MORC1: variants seen among roughly 807,000 people sequenced by gnomAD.
MORC1 encodes MORC family CW-type zinc finger protein 1.
A neutral mutation model predicts 134.9 loss-of-function variants in MORC1; 59 were observed. That is an observed-to-expected ratio of 0.44 (90% CI 0.35 to 0.54). The LOEUF is 0.54. MORC1 is among the 20% of genes least tolerant of loss of function. The pLI is 0.00. For synonymous variants in MORC1, 395 were observed against 391.7 expected, an observed-to-expected ratio of 1.01 and a Z score of -0.10; for missense variants, 947 against 1,134.5, an observed-to-expected ratio of 0.83 and a Z score of 2.37.
At chr3:109,028,772 A>C (rs1949156858) in intron 16 of MORC1, among the ~76,000 whole-genome samples, 1 of 152,196 alleles carries the variant, frequency 6.6e-6, no homozygotes, top group East Asian at 1.9e-4. Flanking sequence ...TCAAGGCTTG[A>C]TACAGACAAG....
Position 109,000,592 on chromosome 3 carries a change from C to G in MORC1, c.2152G>C (p.Glu718Gln), listed in dbSNP as rs143479912. ...TCTGAATCACTCGTGTTCTCATCTT[C>G]AGTCAATACCTTACATTCCTCTACA... ...NFVEECKVLT[E>Q]DENTSDSDII... Residue 718 changes from glutamate (E) to glutamine (Q), a missense_variant, in exon 21 of 28, where the codon GAA becomes CAA. Glu to Gln is a conservative substitution (Grantham distance 29). Transcript: ENST00000232603. 1.1e-5 allele frequency: 18 copies of G among 1,611,064 alleles called. No individual in the cohort carries two copies. The highest frequency in any genetic ancestry group is 1.5e-5 in the Non-Finnish European group (18 of 1,178,798).
intron 22 of MORC1, among the ~76,000 whole-genome samples, chr3:108,985,201 G>A (rs956421964): frequency 5.9e-5 from 9 of 152,142 alleles, no homozygotes; most frequent in African/African-American, 2.2e-4. Flanking sequence ...GTCTCCAGTA[G>A]GAAAGTGAAC....
intron 21 of MORC1, among the ~76,000 whole-genome samples, chr3:108,989,490 A>G (rs1947987652): frequency 1.3e-5 from 2 of 152,232 alleles, no homozygotes; most frequent in African/African-American, 2.4e-5. Context: ...TTTGTAAAGT[A>G]TCTACTTAAG....
At chr3:109,092,905 G>A (rs1380876895) in intron 8 of MORC1, among the ~76,000 whole-genome samples, 5 of 152,158 alleles carry the variant, frequency 3.3e-5, no homozygotes, top group African/African-American at 7.2e-5. Context: ...AGCTTTTGTT[G>A]CTATTTCATT....
Position 109,028,117 on chromosome 3 carries a change from C to T in MORC1, c.1566-228G>A, listed in dbSNP as rs546521637. 2.6e-5 allele frequency among the ~76,000 whole-genome samples: 4 copies of T among 152,190 alleles called. 1 individual carries two copies. Among genetic ancestry groups the T allele is most frequent in the East Asian group, 3.9e-4 (2 of 5,180 alleles). ...AAATGTGGACAGTACCATATATTAACGAGGATGGGAAAGCATCAATTATAT... is the reference window on the plus strand; with the variant it reads ...AAATGTGGACAGTACCATATATTAATGAGGATGGGAAAGCATCAATTATAT... On this transcript the variant is annotated intron_variant, in intron 16 of 27. Transcript: ENST00000232603.
intron 8 of MORC1, among the ~76,000 whole-genome samples, chr3:109,081,735 G>C (rs1210928626): frequency 6.6e-6 from 1 of 152,168 alleles, no homozygotes; most frequent in Non-Finnish European, 1.5e-5. Flanking sequence ...TTACAGGCGT[G>C]AGCCACTGCG....
chr3:109,069,810 T>C lies in MORC1; in HGVS notation c.690-53A>G, dbSNP rs1340548820. 6 of 1,524,466 alleles carry C rather than the reference T, an allele frequency of 3.9e-6. No homozygotes were observed. The East Asian group carries it at 1.4e-4, about 35-fold the overall frequency. 94.4% of individuals were successfully genotyped at this position (1,524,466 alleles called of 1,614,324 possible). On this transcript the variant is annotated intron_variant, in intron 8 of 27. Transcript: ENST00000232603. ...ATACAGAGGACACAACAACTACATC[T>C]CTTTGAGAAGAAATAACATCAGACT...
At chr3:108,975,756 A>G (rs1316736212) in intron 24 of MORC1, among the ~76,000 whole-genome samples, 1 of 152,108 alleles carries the variant, frequency 6.6e-6, no homozygotes, top group East Asian at 1.9e-4. Flanking sequence ...ACAAATATGT[A>G]TTATTACTAA....
intron 14 of MORC1, among the ~76,000 whole-genome samples, chr3:109,044,557 CAA>C (rs5851634): frequency 6.9e-5 from 10 of 145,208 alleles, no homozygotes; most frequent in Non-Finnish European, 7.5e-5. Context: ...GACTCCACCT[CAA>C]AAAAAAAAAG....
At chr3:108,973,289 G>A (rs1458774196) in intron 24 of MORC1, among the ~76,000 whole-genome samples, 1 of 152,126 alleles carries the variant, frequency 6.6e-6, no homozygotes, top group Non-Finnish European at 1.5e-5. Flanking sequence ...GCCTAGTGGG[G>A]CAATAGAGAC....
intron 8 of MORC1, among the ~76,000 whole-genome samples, chr3:109,074,473 T>C (rs1163340825): frequency 6.6e-6 from 1 of 152,198 alleles, no homozygotes; most frequent in African/African-American, 2.4e-5. Flanking sequence ...AGAAAGATGA[T>C]ATAAGGGGTG....
Position 108,986,861 on chromosome 3 carries a change from T to G in MORC1, c.2257+19A>C. On this transcript the variant is annotated intron_variant, in intron 22 of 27. Transcript: ENST00000232603. Reference sequence around the variant, plus strand: ...ATTATAGCTAATATATATATATACATGAGCTGATTTTTTTTTACCTTGGTT... The same window carrying G: ...ATTATAGCTAATATATATATATACAGGAGCTGATTTTTTTTTACCTTGGTT... 4.2e-6 allele frequency: 6 copies of G among 1,426,046 alleles called. No homozygotes were observed. Among genetic ancestry groups the G allele is most frequent in the East Asian group, 2.3e-5 (1 of 43,022 alleles). The allele number at this position is 1,426,046 out of a possible 1,614,324, so 88.3% of individuals were successfully genotyped here. A position where few individuals can be genotyped will look rare whatever the true frequency, so the allele number is the denominator to read the frequency against.
chr3:109,110,239 C>A (rs1951133091), intron 3 of MORC1: 1 of 152,934 alleles, frequency 6.5e-6, no homozygotes, highest in Non-Finnish European at 1.5e-5. Flanking sequence ...CTCTACAGAG[C>A]TGGATCACAG....
intron 19 of MORC1, 54 bp downstream of exon 19, chr3:109,005,016 A>C: frequency 1.3e-6 from 2 of 1,581,480 alleles, no homozygotes; most frequent in African/African-American, 2.7e-5. Context: ...CCTTGACTGA[A>C]TGCTATTTCC....
chr3:108,997,751 C>T (rs1165889397), intron 21 of MORC1, among the ~76,000 whole-genome samples: 1 of 151,796 alleles, frequency 6.6e-6, no homozygotes, highest in East Asian at 1.9e-4. Context: ...TGGAAAGTAA[C>T]AAATACTTTT....
chr3:109,102,543 C>T (rs575179351), intron 4 of MORC1, among the ~76,000 whole-genome samples: 4 of 152,104 alleles, frequency 2.6e-5, no homozygotes, highest in South Asian at 2.1e-4. Context: ...GATCTAGCTC[C>T]GTTTGAACAA....
chr3:109,027,115 T>C (rs1286028489), intron 17 of MORC1, among the ~76,000 whole-genome samples: 1 of 152,248 alleles, frequency 6.6e-6, no homozygotes, highest in Non-Finnish European at 1.5e-5. Context: ...CAACTGCTAT[T>C]TGAGGAAGCC....
intron 6 of MORC1, among the ~76,000 whole-genome samples, chr3:109,095,334 C>T (rs1176240179): frequency 1.3e-5 from 2 of 152,092 alleles, no homozygotes; most frequent in African/African-American, 4.8e-5. Context: ...GCAGAGGAAA[C>T]AACAGAATCA....
intron 24 of MORC1, among the ~76,000 whole-genome samples, chr3:108,976,844 C>A (rs1947577577): frequency 6.6e-6 from 1 of 152,022 alleles, no homozygotes; most frequent in African/African-American, 2.4e-5. Flanking sequence ...TCTAGTGATG[C>A]CTAATGATAG....
Sources: allele counts gnomAD v4.1 joint callset (sites outside exome capture counted in the v4.1 genomes callset), GRCh38; gene constraint gnomAD v4.1.1; transcripts MANE v1.5; gene names NCBI Gene and HGNC (gene_info 2026-07-23, HGNC 2026-07-21).